The following CWF19L2 variants were observed in gnomAD, a reference collection of about 807,000 sequenced individuals.
The protein encoded by CWF19L2 is CWF19-like protein 2.
In CWF19L2, 98 loss-of-function variants were observed where a neutral mutation model predicts 111.7. That is an observed-to-expected ratio of 0.88 (90% confidence interval 0.75 to 1.04). CWF19L2 has a LOEUF of 1.04. Ranked by LOEUF, CWF19L2 falls within the 50% of genes least tolerant of loss-of-function variation. The pLI, the probability that CWF19L2 is intolerant of heterozygous loss-of-function variation, is 0.00. For synonymous variants in CWF19L2, 351 were observed against 342.9 expected, an observed-to-expected ratio of 1.02 and a Z score of -0.26; for missense variants, 1,101 against 1,051.4, an observed-to-expected ratio of 1.05 and a Z score of -0.65.
rs75045011 is a variant in CWF19L2, at chr11:107,336,711, C to T, written c.2205G>A (p.Met735Ile). The T allele has an allele frequency of 5.1e-6, 7 of 1,376,572 alleles. No homozygotes were observed. The East Asian group carries it at 1.1e-4, about 21-fold the overall frequency. The allele number at this position is 1,376,572 out of a possible 1,614,324, so 85.3% of individuals were successfully genotyped here. ...LDEDIWEEIQ[M>I]FRKSLVKMFE... ...ACATCTTTACCAATGATTTTCTGAA[C>T]ATCTAAAAAAAAAAAAGAACTAGGT... The change falls in exon 15 of 18, where the codon ATG (methionine) becomes ATA (isoleucine). Residue 735 changes from methionine to isoleucine, a missense_variant and splice_region_variant. Met to Ile is a conservative substitution (Grantham distance 10, BLOSUM62 1). Transcript: ENST00000282251.
At chr11:107,337,829 CT>C (rs1162541916) in intron 14 of CWF19L2, among the ~76,000 whole-genome samples, 3 of 152,086 alleles carry the variant, frequency 2.0e-5, no homozygotes, top group African/African-American at 7.2e-5. Flanking sequence ...TGATTTATAA[CT>C]TTTTAATATT....
intron 8 of CWF19L2, among the ~76,000 whole-genome samples, chr11:107,421,087 T>C (rs1198788682): frequency 6.6e-6 from 1 of 152,136 alleles, no homozygotes; most frequent in Non-Finnish European, 1.5e-5. Context: ...TCAAGTTGTA[T>C]AAACTATGTT....
rs1304648559 is a variant in CWF19L2 at position 107,367,607 on chromosome 11, C to G, written c.1873-13871G>C. Among the ~76,000 whole-genome samples the G allele has an allele frequency of 4.2e-5, 5 of 120,096 alleles. 2 individuals carry two copies. The highest frequency in any genetic ancestry group is 8.5e-5 in the Non-Finnish European group (5 of 59,156). The allele number at this position is 120,096 out of a possible 152,430, so 78.8% of individuals were successfully genotyped here. ...AAACCAAACACCGCATATTCTCACT[C>G]ATAGGTGGGAATTGAACAATGAGAT... On this transcript the variant is annotated intron_variant, in intron 12 of 17. Transcript: ENST00000282251.
At chr11:107,327,120 T>C in intron 17 of CWF19L2, 67 bp from the exon 18 acceptor site, 2 of 1,358,632 alleles carry the variant, frequency 1.5e-6, no homozygotes, top group South Asian at 1.6e-5. Flanking sequence ...ATGAAACTAT[T>C]TCTGTTTATT....
intron 10 of CWF19L2, chr11:107,404,084 T>C (rs1861045158): frequency 1.3e-6 from 1 of 772,414 alleles, no homozygotes; most frequent in Non-Finnish European, 2.4e-6. Context: ...TGAATGCTCA[T>C]ATATGGTTCT....
At chr11:107,328,138 CAAA>C (rs10578324) in intron 17 of CWF19L2, among the ~76,000 whole-genome samples, 36,650 of 118,502 alleles carry the variant, frequency 0.31, 4,350 homozygotes, top group East Asian at 0.36. Context: ...TGTGGAGACT[CAAA>C]AAAAAAAAAA....
At chr11:107,421,138 G>T (rs1419199587) in intron 8 of CWF19L2, among the ~76,000 whole-genome samples, 3 of 151,956 alleles carry the variant, frequency 2.0e-5, no homozygotes, top group Non-Finnish European at 4.4e-5. Context: ...ATTAACAAAA[G>T]TCTCTGGAAA....
intron 5 of CWF19L2, 64 bp downstream of exon 5, chr11:107,441,439 T>C: frequency 1.5e-6 from 2 of 1,343,092 alleles, no homozygotes; most frequent in Non-Finnish European, 2.0e-6. Flanking sequence ...TGCATTTATA[T>C]AAATGTCTTG....
At chr11:107,420,743 C>A (rs1201342459) in intron 8 of CWF19L2, among the ~76,000 whole-genome samples, 1 of 151,894 alleles carries the variant, frequency 6.6e-6, no homozygotes, top group African/African-American at 2.4e-5. Context: ...CAACCAATAA[C>A]AAAATAGTAC....
Position 107,335,830 on chromosome 11 carries a change from G to A in CWF19L2, c.2358+728C>T, listed in dbSNP as rs1214873564. Among the ~76,000 whole-genome samples the A allele has an allele frequency of 2.6e-5, 4 of 152,276 alleles. No homozygotes were observed. In the East Asian group the frequency reaches 7.7e-4, roughly 29 times the overall value. On this transcript the variant is annotated intron_variant, in intron 15 of 17. Transcript: ENST00000282251. Reference sequence around the variant, plus strand: ...AAATAAGTTCTATTTAAATAGAACAGATACAGTGCTATTACCTATTTAAAA... The same window carrying A: ...AAATAAGTTCTATTTAAATAGAACAAATACAGTGCTATTACCTATTTAAAA...
In CWF19L2 at chr11:107,349,027, C is replaced by T. The variant is rs923452516; in HGVS notation, c.2112G>A (p.Arg704=). 2 of 1,606,618 alleles carry T rather than the reference C, an allele frequency of 1.2e-6. No individual in the cohort carries two copies. The highest frequency in any genetic ancestry group is 1.3e-5 in the African/African-American group (1 of 74,654). The change falls in exon 14 of 18, where the codon CGG becomes CGA. Residue 704 remains arginine (R), a synonymous_variant. Coordinates refer to ENST00000282251, the MANE Select transcript of CWF19L2 (RefSeq NM_152434.3). ...VKVYLCLPNV[R]SLTEGHCLIV... is the part of the protein sequence containing the mutation. ...TCAGGCAGTGCCCCTCAGTAAGAGA[C>T]CGTACGTTGGGTAAACATAAATAAA...
intron 8 of CWF19L2, among the ~76,000 whole-genome samples, chr11:107,425,103 A>G (rs144736951): frequency 2.6e-5 from 4 of 151,846 alleles, no homozygotes; most frequent in Non-Finnish European, 5.9e-5. Context: ...AATTACTGCT[A>G]TATTTCAGAA....
At chr11:107,430,990 T>C (rs1213168539) in intron 7 of CWF19L2, among the ~76,000 whole-genome samples, 4 of 150,904 alleles carry the variant, frequency 2.7e-5, no homozygotes, top group Admixed American at 2.0e-4. Context: ...CTTAAACATA[T>C]ACAACATAAA....
rs1861255045 is a variant in CWF19L2 at position 107,418,233 on chromosome 11, C to T, written c.1488G>A (p.Leu496=). ...TCTCTGCTTTGATAATCTTGGCTCC[C>T]AACTTGTTCTTCTCATCAACACTCA... ...HILSVDEKNK[L]GAKIIKAEMM... is the part of the protein sequence containing the mutation. The change falls in exon 9 of 18, where the codon TTG becomes TTA. Residue 496 remains leucine, a synonymous_variant. Transcript: ENST00000282251. The T allele has an allele frequency of 6.2e-7, 1 of 1,612,900 alleles. No individual in the cohort carries two copies. Among genetic ancestry groups the T allele is most frequent in the African/African-American group, 1.3e-5 (1 of 74,880 alleles).
At chr11:107,349,559 TG>T (rs1338564865) in intron 13 of CWF19L2, among the ~76,000 whole-genome samples, 1 of 152,036 alleles carries the variant, frequency 6.6e-6, no homozygotes, top group Non-Finnish European at 1.5e-5. Flanking sequence ...GCTTTACCAC[TG>T]TGTATTTACA....
At chr11:107,424,755 G>C (rs1482010898) in intron 8 of CWF19L2, among the ~76,000 whole-genome samples, 1 of 151,722 alleles carries the variant, frequency 6.6e-6, no homozygotes, top group Non-Finnish European at 1.5e-5. Context: ...TAGTAGATGA[G>C]GATAAATGAC....
chr11:107,444,991 G>A (rs183615779), intron 3 of CWF19L2, among the ~76,000 whole-genome samples: 90 of 152,234 alleles, frequency 5.9e-4, no homozygotes, highest in Non-Finnish European at 8.5e-4. Flanking sequence ...TCTGAAATCA[G>A]GTCTAAATGG....
At chr11:107,381,075 C>T (rs1162221687) in intron 12 of CWF19L2, among the ~76,000 whole-genome samples, 1 of 151,944 alleles carries the variant, frequency 6.6e-6, no homozygotes, top group East Asian at 1.9e-4. Context: ...GTGAGCAGGA[C>T]AGTGGGAAGG....
At chr11:107,403,396 C>A in intron 10 of CWF19L2, 1 of 749,708 alleles carries the variant, frequency 1.3e-6, no homozygotes, top group Non-Finnish European at 2.4e-6. Context: ...AACATGGCAA[C>A]ACTTATTCTT....
Sources: allele counts gnomAD v4.1 joint callset (sites outside exome capture counted in the v4.1 genomes callset), GRCh38; gene constraint gnomAD v4.1.1; transcripts MANE v1.5; gene names NCBI Gene and HGNC (gene_info 2026-07-23, HGNC 2026-07-21).